VPS13C: variants seen among roughly 807,000 people sequenced by gnomAD.
VPS13C encodes intermembrane lipid transfer protein VPS13C.
VPS13C carries 358 observed loss-of-function variants against 456.8 expected under a neutral mutation model. The observed-to-expected ratio is 0.78, with a 90% CI of 0.72 to 0.86. VPS13C has a LOEUF of 0.86. VPS13C is among the 40% of genes least tolerant of loss of function. The pLI, the probability that VPS13C is intolerant of heterozygous loss-of-function variation, is 0.00. For synonymous variants in VPS13C, 1,578 were observed against 1,486.7 expected, an observed-to-expected ratio of 1.06 and a Z score of -1.41; for missense variants, 4,818 against 4,385.4, an observed-to-expected ratio of 1.10 and a Z score of -2.79.
chr15:62,016,270 T>C (rs993342960), intron 9 of VPS13C, among the ~76,000 whole-genome samples: 1 of 150,980 alleles, frequency 6.6e-6, no homozygotes, highest in Non-Finnish European at 1.5e-5. Context: ...TTATTTTATA[T>C]ATATATATAT....
At chr15:61,946,961 T>C (rs1156517507) in intron 43 of VPS13C, among the ~76,000 whole-genome samples, 1 of 152,148 alleles carries the variant, frequency 6.6e-6, no homozygotes, top group Non-Finnish European at 1.5e-5. Context: ...TAATGATTTC[T>C]GCAACTGCAT....
chr15:61,925,391 T>C, intron 53 of VPS13C, 65 bp downstream of exon 53: 1 of 937,954 alleles, frequency 1.1e-6, no homozygotes, highest in South Asian at 2.5e-5. Context: ...CTGTCTCAAC[T>C]GCAAATATGC....
At chr15:61,913,468 T>A in intron 61 of VPS13C, 53 bp from the exon 62 acceptor site, 3 of 1,484,514 alleles carry the variant, frequency 2.0e-6, no homozygotes, top group Non-Finnish European at 2.8e-6. Context: ...ACTATAATAA[T>A]TTTATTTGAG....
In VPS13C at chr15:61,919,365, C is replaced by G; in HGVS notation, c.7562G>C (p.Ser2521Thr). The G allele has an allele frequency of 3.1e-6, 5 of 1,605,204 alleles. No individual in the cohort carries two copies. Among genetic ancestry groups the G allele is most frequent in the Non-Finnish European group, 4.3e-6 (5 of 1,176,370 alleles). The change falls in exon 58 of 85, where the codon AGT (serine) becomes ACT (threonine). Residue 2521 changes from serine (S) to threonine (T), a missense_variant. Physicochemically the swap from Ser to Thr is moderately conservative, Grantham distance 58. Transcript: ENST00000644861. ...TTGTACCAAGACAGAGTCAGAATGACTGGCATTGGGATTCCGTACATTATA... is the reference window on the plus strand; with the variant it reads ...TTGTACCAAGACAGAGTCAGAATGAGTGGCATTGGGATTCCGTACATTATA... ...RLYNVRNPNA[S>T]HSDSVLVQID... is the part of the protein sequence containing the mutation.
rs2046771753 is a variant in VPS13C, at chr15:62,004,730, T to G, written c.1290+2578A>C. ...ATTCTGGTATGTTGTGTCTTTGTTC[T>G]CGTTGGTTTCAAAGAACATCTTTAT... On this transcript the variant is annotated intron_variant, in intron 15 of 84. Transcript: ENST00000644861. Among the ~76,000 whole-genome samples, 3 of 151,166 alleles carry G rather than the reference T, an allele frequency of 2.0e-5. No individual in the cohort carries two copies. The South Asian group carries it at 6.3e-4, about 32-fold the overall frequency.
chr15:61,865,226 A>C, intron 81 of VPS13C: 1 of 984,514 alleles, frequency 1.0e-6, no homozygotes, highest in Non-Finnish European at 1.2e-6. Context: ...TTTTCAAGTA[A>C]ATTCTAAGGA....
At chr15:61,992,735 A>C (rs74615986) in intron 16 of VPS13C, among the ~76,000 whole-genome samples, 1,691 of 152,268 alleles carry the variant, frequency 0.011, 40 homozygotes, top group African/African-American at 0.039. Context: ...TGTGGATACC[A>C]CAGCTCAGTG....
At chr15:62,017,337 GT>G in intron 9 of VPS13C, among the ~76,000 whole-genome samples, 2 of 152,078 alleles carry the variant, frequency 1.3e-5, no homozygotes, top group Non-Finnish European at 2.9e-5. Context: ...TGCTTTTGGT[GT>G]TTTAGACATG....
chr15:61,875,590 A>C, intron 76 of VPS13C, 142 bp downstream of exon 76: 1 of 645,746 alleles, frequency 1.5e-6, no homozygotes, highest in Non-Finnish European at 2.7e-6. Flanking sequence ...CCTTTAAATA[A>C]AAATATAAAA....
intron 45 of VPS13C, 138 bp from the exon 46 acceptor site, chr15:61,942,205 T>C: frequency 1.3e-6 from 1 of 746,316 alleles, no homozygotes; most frequent in Non-Finnish European, 2.0e-6. Flanking sequence ...ATGTAGAGAG[T>C]GAAGTCTAGA....
chr15:61,889,517 A>G (rs117485530), intron 67 of VPS13C, among the ~76,000 whole-genome samples: 11 of 152,286 alleles, frequency 7.2e-5, no homozygotes, highest in Non-Finnish European at 1.2e-4. Flanking sequence ...TCCACCCATC[A>G]GCCTCTAAAA....
chr15:61,880,761 T>C (rs897439783), intron 72 of VPS13C, 39 bp from the exon 73 acceptor site: 8 of 1,538,486 alleles, frequency 5.2e-6, no homozygotes, highest in Non-Finnish European at 6.2e-6. Flanking sequence ...TTTTAATTTT[T>C]TTCTCTATTA....
At chr15:61,878,254 T>C (rs1895600125) in intron 74 of VPS13C, among the ~76,000 whole-genome samples, 1 of 151,908 alleles carries the variant, frequency 6.6e-6, no homozygotes, top group Non-Finnish European at 1.5e-5. Flanking sequence ...TTCAATTCAA[T>C]AACAATTTAT....
At chr15:61,952,457 A>G (rs1208915362) in intron 38 of VPS13C, among the ~76,000 whole-genome samples, 1 of 152,184 alleles carries the variant, frequency 6.6e-6, no homozygotes, top group Non-Finnish European at 1.5e-5. Flanking sequence ...GAGAACAATC[A>G]TAATATATAT....
At chr15:61,999,564 G>C (rs2046526712) in intron 16 of VPS13C, among the ~76,000 whole-genome samples, 1 of 152,168 alleles carries the variant, frequency 6.6e-6, no homozygotes, top group Non-Finnish European at 1.5e-5. Flanking sequence ...AGGATATACA[G>C]AAAGGTATTA....
chr15:61,958,699 T>A lies in VPS13C; in HGVS notation c.4074A>T (p.Glu1358Asp). Residue 1358 changes from glutamate to aspartate, a missense_variant, in exon 37 of 85, where the codon GAA becomes GAT. Glu to Asp is a conservative substitution (Grantham distance 45, BLOSUM62 2). Coordinates refer to ENST00000644861, the MANE Select transcript of VPS13C (RefSeq NM_020821.3). ...LDSMNVSLNQ[E>D]DLNLLFRILT... Reference sequence around the variant, plus strand: ...GTATCCTAAATAAAAGATTAAGATCTTCTTGATTTAGACTAACCTGTAAAA... The same window carrying A: ...GTATCCTAAATAAAAGATTAAGATCATCTTGATTTAGACTAACCTGTAAAA... 1 of 1,541,758 alleles carries A rather than the reference T, an allele frequency of 6.5e-7. No homozygotes were observed. The highest frequency in any genetic ancestry group is 8.7e-7 in the Non-Finnish European group (1 of 1,144,538).
intron 49 of VPS13C, among the ~76,000 whole-genome samples, chr15:61,932,801 A>G (rs75832145): frequency 6.6e-6 from 1 of 152,234 alleles, no homozygotes; most frequent in Non-Finnish European, 1.5e-5. Flanking sequence ...ATTAATAGCA[A>G]TGACCTGAGA....
intron 68 of VPS13C, among the ~76,000 whole-genome samples, chr15:61,883,410 T>C (rs1418925540): frequency 6.6e-6 from 1 of 152,118 alleles, no homozygotes; most frequent in Non-Finnish European, 1.5e-5. Context: ...ATGAATTATA[T>C]AGTTTTTTAT....
chr15:62,006,097 CTTATT>C (rs2046831586), intron 15 of VPS13C, among the ~76,000 whole-genome samples: 1 of 120,556 alleles, frequency 8.3e-6, no homozygotes, highest in African/African-American at 2.8e-5. Flanking sequence ...TAAAGAAATT[CTTATT>C]TTTTTTTTAT....
Sources: allele counts gnomAD v4.1 joint callset (sites outside exome capture counted in the v4.1 genomes callset), GRCh38; gene constraint gnomAD v4.1.1; transcripts MANE v1.5; gene names NCBI Gene and HGNC (gene_info 2026-07-23, HGNC 2026-07-21).